Variants in IGSF23 observed in about 807,000 individuals in gnomAD.
IGSF23 encodes immunoglobulin superfamily member 23.
Under a neutral mutation model 17.8 loss-of-function variants are expected in IGSF23, and 14 were observed. The ratio of observed to expected loss-of-function variants is 0.79; its 90% confidence interval spans 0.52 to 1.23. The LOEUF is 1.23. Ranked by LOEUF, IGSF23 falls within the 50% of genes most tolerant of loss-of-function variation. The pLI is 0.00. For missense variants in IGSF23, 214 were observed against 241.7 expected (o/e 0.89, Z 0.76); for synonymous variants, 85 against 92.5 (o/e 0.92, Z 0.46).
At chr19:44,613,963 C>T (rs1353930373) in intron 1 of IGSF23, 193 bp downstream of exon 1, 4 of 1,541,392 alleles carry the variant, frequency 2.6e-6, no homozygotes, top group Admixed American at 3.9e-5. Context: ...CCAGCCACAC[C>T]CCTACCTGGA....
intron 3 of IGSF23, among the ~76,000 whole-genome samples, chr19:44,635,199 T>A (rs1972860473): frequency 1.3e-5 from 2 of 152,200 alleles, no homozygotes; most frequent in African/African-American, 4.8e-5. Context: ...CTTGTAAGGA[T>A]ACCAGTCTTA....
intron 3 of IGSF23, 31 bp from the exon 4 acceptor site, chr19:44,635,370 C>T (rs73936832): frequency 5.8e-5 from 52 of 898,194 alleles, no homozygotes; most frequent in African/African-American, 1.6e-4. Flanking sequence ...CTCTCTCTCT[C>T]TCTCTGTCTC....
chr19:44,617,678 G>C (rs1005250177), intron 1 of IGSF23, among the ~76,000 whole-genome samples: 1 of 152,136 alleles, frequency 6.6e-6, no homozygotes, highest in Non-Finnish European at 1.5e-5. Flanking sequence ...TCTAAATAAG[G>C]TGGTGAGAAA....
chr19:44,624,070 G>A (rs901154746), intron 2 of IGSF23, 98 bp downstream of exon 2: 3 of 1,074,984 alleles, frequency 2.8e-6, no homozygotes, highest in African/African-American at 1.7e-5. Flanking sequence ...CACCTACTAT[G>A]AGCAGTCCCC....
intron 3 of IGSF23, among the ~76,000 whole-genome samples, chr19:44,632,993 T>C (rs574196356): frequency 2.0e-5 from 3 of 152,222 alleles, no homozygotes; most frequent in African/African-American, 7.2e-5. Flanking sequence ...AATACCTCAA[T>C]TACACCTACA....
chr19:44,632,216 A>G (rs1282363307), intron 3 of IGSF23: 1 of 285,566 alleles, frequency 3.5e-6, no homozygotes, highest in African/African-American at 2.3e-5. Flanking sequence ...CAGAAAGCAC[A>G]TGTAACTGTG....
intron 3 of IGSF23, among the ~76,000 whole-genome samples, chr19:44,633,941 C>T (rs1231955174): frequency 6.6e-6 from 1 of 152,180 alleles, no homozygotes; most frequent in Non-Finnish European, 1.5e-5. Context: ...TTTGAATTTC[C>T]TCATTGTAAT....
chr19:44,626,523 A>T (rs971857938), intron 2 of IGSF23, among the ~76,000 whole-genome samples: 1 of 152,130 alleles, frequency 6.6e-6, no homozygotes, highest in African/African-American at 2.4e-5. Context: ...CAGGGCTGGG[A>T]TGGGGGAGCC....
intron 1 of IGSF23, chr19:44,620,762 C>T (rs1271879316): frequency 6.6e-6 from 1 of 152,234 alleles, no homozygotes; most frequent in Admixed American, 6.5e-5. Flanking sequence ...TGCAGGAACT[C>T]ACGCTCGGTG....
At chr19:44,622,208 G>GA (rs1250112959) in intron 1 of IGSF23, among the ~76,000 whole-genome samples, 3,042 of 113,696 alleles carry the variant, frequency 0.027, 53 homozygotes, top group Middle Eastern at 0.083. Flanking sequence ...TCCGTTTCAA[G>GA]AAAAAAAAAA....
At chr19:44,635,320 C>A in intron 3 of IGSF23, 81 bp from the exon 4 acceptor site, 1 of 1,116,436 alleles carries the variant, frequency 9.0e-7, no homozygotes, top group South Asian at 1.4e-5. Flanking sequence ...ATTTGGGGAA[C>A]GGATAATAAT....
At chr19:44,630,189 C>T (rs1456871518) in intron 3 of IGSF23, among the ~76,000 whole-genome samples, 1 of 152,128 alleles carries the variant, frequency 6.6e-6, no homozygotes, top group Admixed American at 6.5e-5. Flanking sequence ...TGTGGACCAG[C>T]TGGGAGGAAC....
intron 2 of IGSF23, among the ~76,000 whole-genome samples, chr19:44,626,478 G>GACT (rs1972649908): frequency 6.6e-6 from 1 of 152,184 alleles, no homozygotes; most frequent in Non-Finnish European, 1.5e-5. Flanking sequence ...AAGACTTACA[G>GACT]TCCAGTGTCC....
At chr19:44,636,189 T>C (rs1275911720) in intron 4 of IGSF23, among the ~76,000 whole-genome samples, 11 of 152,168 alleles carry the variant, frequency 7.2e-5, no homozygotes, top group African/African-American at 2.7e-4. Flanking sequence ...AAGGACTTCA[T>C]TGGCCAAAGT....
intron 1 of IGSF23, among the ~76,000 whole-genome samples, chr19:44,616,570 G>T (rs908081890): frequency 6.6e-6 from 1 of 151,648 alleles, no homozygotes; most frequent in African/African-American, 2.4e-5. Context: ...GGTGGCGCAC[G>T]CCTGTAGTCC....
At chr19:44,633,010 G>A (rs370451755) in intron 3 of IGSF23, among the ~76,000 whole-genome samples, 2 of 152,178 alleles carry the variant, frequency 1.3e-5, no homozygotes, top group African/African-American at 2.4e-5. Context: ...TACAAGCTCC[G>A]CTTTCTGAGC....
intron 3 of IGSF23, among the ~76,000 whole-genome samples, chr19:44,631,393 G>A (rs1451760883): frequency 6.6e-6 from 1 of 152,126 alleles, no homozygotes; most frequent in Non-Finnish European, 1.5e-5. Flanking sequence ...TTCGAGACCA[G>A]CCTGGCTAAC....
intron 1 of IGSF23, among the ~76,000 whole-genome samples, chr19:44,622,048 C>T (rs560974739): frequency 1.3e-5 from 2 of 152,134 alleles, no homozygotes; most frequent in Admixed American, 1.3e-4. Flanking sequence ...ATGGTGAAAC[C>T]CCATCTCCAC....
chr19:44,633,362 C>T (rs1419530232), intron 3 of IGSF23, among the ~76,000 whole-genome samples: 2 of 152,204 alleles, frequency 1.3e-5, no homozygotes, highest in African/African-American at 2.4e-5. Flanking sequence ...CCGCTTGAAG[C>T]GGTTCTTTCA....
Sources: gnomAD v4.1 joint callset for allele counts (sites outside exome capture counted in the v4.1 genomes callset) on GRCh38, gnomAD v4.1.1 for gene constraint, MANE v1.5 for transcripts, NCBI Gene and HGNC (gene_info 2026-07-23, HGNC 2026-07-21) for gene names.